The following LEKR1 variants were observed in gnomAD, a reference collection of about 807,000 sequenced individuals.
LEKR1 encodes leucine, glutamate and lysine rich 1.
A neutral mutation model predicts 72.4 loss-of-function variants in LEKR1; 59 were observed. The ratio of observed to expected loss-of-function variants is 0.82; its 90% CI spans 0.66 to 1.01. The LOEUF (loss-of-function observed/expected upper bound fraction) is 1.01. Ranked by LOEUF, LEKR1 falls within the 50% of genes least tolerant of loss-of-function variation. LEKR1 has a pLI of 0.00. For synonymous variants in LEKR1, 257 were observed against 263.2 expected (o/e 0.98, Z 0.23); for missense variants, 728 against 759.2 (o/e 0.96, Z 0.48).
At chr3:156,983,766 C>A (rs1482855234) in intron 7 of LEKR1, among the ~76,000 whole-genome samples, 3 of 152,148 alleles carry the variant, frequency 2.0e-5, no homozygotes, top group Non-Finnish European at 4.4e-5. Context: ...CCAAGACAAA[C>A]CTCCAGTGCC....
Position 156,979,189 on chromosome 3 carries a change from T to C in LEKR1, c.746-5T>C. The C allele has an allele frequency of 4.0e-6, 5 of 1,244,648 alleles. No homozygotes were observed. Among genetic ancestry groups the C allele is most frequent in the Non-Finnish European group, 5.3e-6 (5 of 946,486 alleles). The allele number at this position is 1,244,648 out of a possible 1,614,324, so 77.1% of individuals were successfully genotyped here. A position where few individuals can be genotyped will look rare whatever the true frequency, so the allele number is the denominator to read the frequency against. On this transcript the variant is annotated splice_region_variant and splice_polypyrimidine_tract_variant and intron_variant, in intron 6 of 12. Transcript: ENST00000356539. ...AATCAGATGAAATACATTGTGTCAT[T>C]TCAGATTTACAATGTCTAGTAGAGG... is the stretch of plus-strand genomic sequence containing the variant.
rs532724213 is a variant in LEKR1, at chr3:156,955,285, G to A, written c.745+12571G>A. ...GTTTCTAGGTGTAGGATCATGTTAT[G>A]TGCAAATAAAGATAATTTGACTTCT... is the stretch of plus-strand genomic sequence containing the variant. On this transcript the variant is annotated intron_variant, in intron 6 of 12. Transcript: ENST00000356539. 6.6e-5 allele frequency among the ~76,000 whole-genome samples: 10 copies of A among 151,906 alleles called. 1 individual carries two copies. The South Asian group carries it at 2.1e-3, about 32-fold the overall frequency.
At chr3:156,985,179 C>T (rs1042715488) in intron 7 of LEKR1, among the ~76,000 whole-genome samples, 2 of 152,086 alleles carry the variant, frequency 1.3e-5, no homozygotes, top group African/African-American at 4.8e-5. Flanking sequence ...ACAAGATTGG[C>T]ACATTTCCAT....
At chr3:156,976,751 A>G (rs1437878833) in intron 6 of LEKR1, among the ~76,000 whole-genome samples, 4 of 152,166 alleles carry the variant, frequency 2.6e-5, no homozygotes, top group African/African-American at 9.7e-5. Flanking sequence ...TTCAAGTGTG[A>G]GAGATATAAG....
intron 9 of LEKR1, among the ~76,000 whole-genome samples, chr3:157,002,438 G>A (rs1386967617): frequency 6.6e-6 from 1 of 152,046 alleles, no homozygotes; most frequent in South Asian, 2.1e-4. Context: ...TACTGTACAA[G>A]TGTGATTTTT....
At chr3:156,848,689 T>C (rs1361055904) in intron 2 of LEKR1, among the ~76,000 whole-genome samples, 2 of 152,180 alleles carry the variant, frequency 1.3e-5, no homozygotes, top group Non-Finnish European at 2.9e-5. Flanking sequence ...TATCAACCAA[T>C]GTGATATGAC....
chr3:156,863,318 T>G (rs1336102373), intron 3 of LEKR1, among the ~76,000 whole-genome samples: 2 of 152,064 alleles, frequency 1.3e-5, no homozygotes, highest in Non-Finnish European at 2.9e-5. Flanking sequence ...CTGCTCTTCA[T>G]CAAGGAGGCA....
chr3:156,832,854 C>A (rs2108528311), intron 2 of LEKR1, among the ~76,000 whole-genome samples: 1 of 152,312 alleles, frequency 6.6e-6, no homozygotes, highest in South Asian at 2.1e-4. Context: ...CATGCCATTT[C>A]CAGTCAAAGC....
chr3:156,830,570 C>A (rs903238670), intron 2 of LEKR1, among the ~76,000 whole-genome samples: 3 of 152,090 alleles, frequency 2.0e-5, no homozygotes, highest in Non-Finnish European at 4.4e-5. Flanking sequence ...CCAACAGGTG[C>A]AAAAACCATG....
intron 9 of LEKR1, among the ~76,000 whole-genome samples, chr3:157,005,481 AC>A (rs1256053465): frequency 6.6e-6 from 1 of 152,176 alleles, no homozygotes; most frequent in East Asian, 1.9e-4. Flanking sequence ...TGATAACAAA[AC>A]CTGACAAAGA....
chr3:156,874,698 C>T (rs1232368803), intron 3 of LEKR1, among the ~76,000 whole-genome samples: 5 of 152,056 alleles, frequency 3.3e-5, no homozygotes, highest in South Asian at 4.1e-4. Flanking sequence ...TCCTGCTCTT[C>T]CCCCCAAGTT....
At chr3:156,919,859 T>G (rs1724029205) in intron 3 of LEKR1, among the ~76,000 whole-genome samples, 1 of 152,200 alleles carries the variant, frequency 6.6e-6, no homozygotes, top group African/African-American at 2.4e-5. Context: ...TTTTCATGTT[T>G]ATATACTTAC....
At chr3:156,858,357 C>A (rs933329890) in intron 3 of LEKR1, among the ~76,000 whole-genome samples, 3 of 151,980 alleles carry the variant, frequency 2.0e-5, no homozygotes, top group Non-Finnish European at 2.9e-5. Flanking sequence ...TTAAATTAAT[C>A]AAATATGTTC....
intron 3 of LEKR1, among the ~76,000 whole-genome samples, chr3:156,865,807 G>C (rs4680309): frequency 6.6e-6 from 1 of 151,896 alleles, no homozygotes; most frequent in African/African-American, 2.4e-5. Context: ...CACCTTACAC[G>C]TTTTTTCCTG....
rs115929544 is a variant in LEKR1, at chr3:157,011,948, T to C, written c.1203+442T>C. ...ACATATATACCCTGACAAAGTAAAA[T>C]GAATAAGCATTCAGCTTGCTATTAT... On this transcript the variant is annotated intron_variant, in intron 10 of 12. Coordinates refer to ENST00000356539, the MANE Select transcript of LEKR1 (RefSeq NM_001004316.3). 4.5e-3 allele frequency among the ~76,000 whole-genome samples: 689 copies of C among 152,180 alleles called. 8 individuals carry two copies. The highest frequency in any genetic ancestry group is 0.031 in the East Asian group (160 of 5,180).
intron 4 of LEKR1, among the ~76,000 whole-genome samples, chr3:156,922,194 T>C (rs1170542398): frequency 2.0e-5 from 3 of 152,152 alleles, no homozygotes; most frequent in Non-Finnish European, 2.9e-5. Flanking sequence ...CTGGTAGATA[T>C]AATGCATTCC....
chr3:156,920,757 A>G (rs1401442203), intron 4 of LEKR1, 63 bp downstream of exon 4: 2 of 877,118 alleles, frequency 2.3e-6, no homozygotes, highest in Non-Finnish European at 3.3e-6. Flanking sequence ...AACTTTGTAA[A>G]TAGCCAAACA....
intron 2 of LEKR1, among the ~76,000 whole-genome samples, chr3:156,849,906 A>G (rs942445821): frequency 9.9e-5 from 15 of 152,240 alleles, no homozygotes; most frequent in African/African-American, 3.4e-4. Flanking sequence ...AAATTGACAA[A>G]TGGGATCTAA....
At chr3:156,912,832 C>T (rs1422148119) in intron 3 of LEKR1, among the ~76,000 whole-genome samples, 1 of 152,198 alleles carries the variant, frequency 6.6e-6, no homozygotes, top group Non-Finnish European at 1.5e-5. Flanking sequence ...TCCCACCACT[C>T]ACTATATCAG....
Sources: gnomAD v4.1 joint callset for allele counts (sites outside exome capture counted in the v4.1 genomes callset) on GRCh38, gnomAD v4.1.1 for gene constraint, MANE v1.5 for transcripts, NCBI Gene and HGNC (gene_info 2026-07-23, HGNC 2026-07-21) for gene names.